The following MMP26 variants were observed in gnomAD, a reference collection of about 807,000 sequenced individuals.
MMP26 encodes the protein matrix metallopeptidase 26.
A neutral mutation model predicts 31.0 loss-of-function variants in MMP26; 33 were observed. The observed-to-expected ratio is 1.06, with a 90% CI of 0.81 to 1.42. The LOEUF is 1.42. Among genes scored for constraint, MMP26 ranks in the 40% most tolerant of loss-of-function variants. The pLI is 0.00. For missense variants in MMP26, 347 were observed against 316.1 expected, an observed-to-expected ratio of 1.10 and a Z score of -0.74; for synonymous variants, 122 against 114.9, an observed-to-expected ratio of 1.06 and a Z score of -0.40.
At chr11:4,817,164 A>C (rs931337818) in intron 2 of MMP26, among the ~76,000 whole-genome samples, 2 of 152,094 alleles carry the variant, frequency 1.3e-5, no homozygotes, top group East Asian at 1.9e-4. Context: ...TTGTATGTAC[A>C]TTTTTATATA....
chr11:4,851,305 A>G (rs1394419223), intron 2 of MMP26, among the ~76,000 whole-genome samples: 3 of 152,188 alleles, frequency 2.0e-5, no homozygotes, highest in Non-Finnish European at 2.9e-5. Context: ...GAGCTCTGTC[A>G]GTTAGCACGG....
At chr11:4,883,554 C>T (rs979656467) in intron 2 of MMP26, among the ~76,000 whole-genome samples, 1 of 152,022 alleles carries the variant, frequency 6.6e-6, no homozygotes, top group Non-Finnish European at 1.5e-5. Flanking sequence ...CATTGACTTT[C>T]ATTGTTTTCT....
chr11:4,829,177 T>A (rs1319995362), intron 2 of MMP26, among the ~76,000 whole-genome samples: 2 of 152,184 alleles, frequency 1.3e-5, no homozygotes, highest in Non-Finnish European at 2.9e-5. Flanking sequence ...TGACCTTAAG[T>A]AGGGTTTACA....
intron 2 of MMP26, among the ~76,000 whole-genome samples, chr11:4,782,836 G>T (rs1848882602): frequency 6.6e-6 from 1 of 152,222 alleles, no homozygotes; most frequent in Non-Finnish European, 1.5e-5. Context: ...TGTGGCTGTG[G>T]CTTCAGAGGG....
intron 1 of MMP26, among the ~76,000 whole-genome samples, chr11:4,751,530 T>G (rs770581013): frequency 5.3e-5 from 8 of 152,186 alleles, no homozygotes; most frequent in Non-Finnish European, 1.0e-4. Flanking sequence ...CTGCATGCAT[T>G]TGAAGAAGTC....
chr11:4,726,816 A>G (rs1848106971), intron 1 of MMP26, among the ~76,000 whole-genome samples: 1 of 152,090 alleles, frequency 6.6e-6, no homozygotes, highest in Non-Finnish European at 1.5e-5. Context: ...AGACTAGCCT[A>G]AGCAGTATAC....
chr11:4,760,933 T>C (rs547212053), intron 1 of MMP26, among the ~76,000 whole-genome samples: 17 of 152,210 alleles, frequency 1.1e-4, no homozygotes, highest in Non-Finnish European at 2.2e-4. Context: ...AATACATACA[T>C]ATAAGAAGTA....
chr11:4,774,535 T>C (rs1258739605), intron 2 of MMP26, among the ~76,000 whole-genome samples: 2 of 152,228 alleles, frequency 1.3e-5, no homozygotes, highest in African/African-American at 2.4e-5. Flanking sequence ...TAGGCCTTTG[T>C]TGGATGAATA....
chr11:4,785,896 G>T (rs905115317), intron 2 of MMP26, among the ~76,000 whole-genome samples: 1 of 152,134 alleles, frequency 6.6e-6, no homozygotes, highest in African/African-American at 2.4e-5. Flanking sequence ...CCAGATCAGG[G>T]GCTCCATCTT....
intron 2 of MMP26, among the ~76,000 whole-genome samples, chr11:4,855,362 A>G (rs1589920464): frequency 1.3e-5 from 2 of 152,218 alleles, no homozygotes; most frequent in African/African-American, 4.8e-5. Context: ...TAAACAGCAT[A>G]GAGAAGACCT....
intron 1 of MMP26, chr11:4,752,672 G>A (rs1848460352): frequency 1.3e-5 from 2 of 152,382 alleles, no homozygotes; most frequent in Admixed American, 1.3e-4. Flanking sequence ...GGTGAATGAA[G>A]AACATCTGTG....
At chr11:4,879,186 A>G (rs1316845986) in intron 2 of MMP26, among the ~76,000 whole-genome samples, 2 of 152,118 alleles carry the variant, frequency 1.3e-5, no homozygotes, top group Non-Finnish European at 2.9e-5. Flanking sequence ...GTGACACGAT[A>G]TCGTGCCACT....
intron 1 of MMP26, among the ~76,000 whole-genome samples, chr11:4,707,975 T>A (rs1012595635): frequency 6.6e-6 from 1 of 152,150 alleles, no homozygotes; most frequent in African/African-American, 2.4e-5. Flanking sequence ...ATACTGCTGT[T>A]CCCCAGCACT....
chr11:4,926,975 C>T (rs1851282153), intron 2 of MMP26, among the ~76,000 whole-genome samples: 1 of 152,188 alleles, frequency 6.6e-6, no homozygotes, highest in East Asian at 1.9e-4. Context: ...CCATTTTCTT[C>T]TCAATGGCAC....
At chr11:4,755,533 A>C (rs1007582511) in intron 1 of MMP26, among the ~76,000 whole-genome samples, 2 of 152,078 alleles carry the variant, frequency 1.3e-5, no homozygotes, top group African/African-American at 4.8e-5. Context: ...AAAGTAGCCA[A>C]AAATAATGGT....
chr11:4,985,036 T>C (rs1846866096), intron 2 of MMP26, among the ~76,000 whole-genome samples: 2 of 152,164 alleles, frequency 1.3e-5, no homozygotes, highest in South Asian at 2.1e-4. Flanking sequence ...GTTTCTTTCA[T>C]TGTGATTCCA....
chr11:4,767,701 G>A (rs1848650220), intron 2 of MMP26, among the ~76,000 whole-genome samples: 2 of 130,994 alleles, frequency 1.5e-5, no homozygotes, highest in African/African-American at 7.0e-5. Flanking sequence ...ATAATGCATA[G>A]TTAGATATGC....
intron 2 of MMP26, among the ~76,000 whole-genome samples, chr11:4,842,511 T>C (rs577809747): frequency 6.6e-6 from 1 of 151,960 alleles, no homozygotes; most frequent in South Asian, 2.1e-4. Flanking sequence ...AGAGACAGAG[T>C]GAAGAGGGAA....
chr11:4,708,690 A>G (rs1197128488), intron 1 of MMP26, among the ~76,000 whole-genome samples: 4 of 152,230 alleles, frequency 2.6e-5, no homozygotes, highest in Non-Finnish European at 5.9e-5. Flanking sequence ...AGATTTATGG[A>G]TCTGGGTGAG....
Sources: allele counts gnomAD v4.1 joint callset (sites outside exome capture counted in the v4.1 genomes callset), GRCh38; gene constraint gnomAD v4.1.1; transcripts MANE v1.5; gene names NCBI Gene and HGNC (gene_info 2026-07-23, HGNC 2026-07-21).